Variants in PPCS observed in about 807,000 individuals in gnomAD.
PPCS encodes phosphopantothenoylcysteine synthetase.
PPCS carries 17 observed loss-of-function variants against 24.6 expected under a neutral mutation model. The observed-to-expected ratio is 0.69, with a 90% CI of 0.47 to 1.04. The LOEUF is 1.04. PPCS is among the 50% of genes least tolerant of loss of function. PPCS has a pLI of 0.00. For missense variants in PPCS, 360 were observed against 402.8 expected, an observed-to-expected ratio of 0.89 and a Z score of 0.91; for synonymous variants, 190 against 168.3, an observed-to-expected ratio of 1.13 and a Z score of -1.00.
chr1:42,465,060 T>C (rs1199545602), downstream of PPCS, among the ~76,000 whole-genome samples: 1 of 152,238 alleles, frequency 6.6e-6, no homozygotes, highest in Non-Finnish European at 1.5e-5. Flanking sequence ...TCCTTTCCTT[T>C]CCTCTTCTAA....
Position 42,470,718 on chromosome 1 carries a change from G to A in PPCS, n.378-2404G>A, listed in dbSNP as rs1188128681. Reference sequence around the variant, plus strand: ...AAGCCAATACAAAAGGACAAATATTGTATGATTCCATTTCTATGAGTTGTA... The same window carrying A: ...AAGCCAATACAAAAGGACAAATATTATATGATTCCATTTCTATGAGTTGTA... On this transcript the variant is annotated intron_variant and non_coding_transcript_variant, in intron 2 of 2. Transcript: ENST00000471420. Among the ~76,000 whole-genome samples, 7 of 152,302 alleles carry A rather than the reference G, an allele frequency of 4.6e-5. No individual in the cohort carries two copies. The East Asian group carries it at 1.4e-3, about 29-fold the overall frequency.
At chr1:42,465,934 C>T (rs1268361313), downstream of PPCS, among the ~76,000 whole-genome samples, 1 of 152,138 alleles carries the variant, frequency 6.6e-6, no homozygotes, top group South Asian at 2.1e-4. Context: ...TAGCTGTGTA[C>T]ATTTTTACAT....
Position 42,456,583 on chromosome 1 carries a change from G to T in PPCS, c.18G>T (p.Pro6=). ...CGCTGCAGATGGCGGAAATGGATCC[G>T]GTAGCCGAGTTCCCCCAGCCTCCCG... MAEMD[P]VAEFPQPPGA... The change falls in exon 1 of 3, where the codon CCG becomes CCT. Residue 6 remains proline, a synonymous_variant. Coordinates refer to ENST00000372561, the MANE Select transcript of PPCS (RefSeq NM_024664.4). 6.7e-7 allele frequency: 1 copy of T among 1,493,266 alleles called. No individual in the cohort carries two copies. The highest frequency in any genetic ancestry group is 8.9e-7 in the Non-Finnish European group (1 of 1,123,354). 92.5% of individuals were successfully genotyped at this position (1,493,266 alleles called of 1,614,324 possible).
chr1:42,459,023 C>T (rs72637933), intron 2 of PPCS, among the ~76,000 whole-genome samples: 17,824 of 152,174 alleles, frequency 0.12, 1,261 homozygotes, highest in East Asian at 0.27. Context: ...AATAAAGGGA[C>T]ATGCTTGAGA....
chr1:42,473,044 G>A (rs1643820616), intron 2 of PPCS: 1 of 1,199,992 alleles, frequency 8.3e-7, no homozygotes, highest in African/African-American at 1.6e-5. Flanking sequence ...GACTAAGGTG[G>A]CACCCACATA....
At position 42,456,585 on chromosome 1, in the gene PPCS, T is replaced by G. The variant is rs1288192203; in HGVS notation, c.20T>G (p.Val7Gly). Residue 7 changes from valine (V) to glycine (G), a missense_variant, in exon 1 of 3, where the codon GTA (valine) becomes GGA (glycine). Val to Gly is a moderately radical substitution (Grantham distance 109). This residue lies in a region of PPCS where 244 missense variants were observed against 234.7 expected (regional missense o/e 1.04). Transcript: ENST00000372561. ...CTGCAGATGGCGGAAATGGATCCGG[T>G]AGCCGAGTTCCCCCAGCCTCCCGGT... Reference protein sequence around the residue: MAEMDPVAEFPQPPGAA... With the variant: MAEMDPGAEFPQPPGAA... 1 of 1,495,482 alleles carries G rather than the reference T, an allele frequency of 6.7e-7. No homozygotes were observed. Among genetic ancestry groups the G allele is most frequent in the Non-Finnish European group, 8.9e-7 (1 of 1,124,534 alleles). The allele number at this position is 1,495,482 out of a possible 1,614,324, so 92.6% of individuals were successfully genotyped here.
intron 2 of PPCS, 65 bp from the exon 3 acceptor site, chr1:42,459,538 C>T: frequency 7.6e-7 from 1 of 1,315,880 alleles, no homozygotes; most frequent in Non-Finnish European, 1.1e-6. Flanking sequence ...CTTAGTTTCC[C>T]ATGAGATTGA....
intron 2 of PPCS, among the ~76,000 whole-genome samples, chr1:42,471,703 T>G (rs1221272743): frequency 6.6e-6 from 1 of 151,806 alleles, no homozygotes; most frequent in Non-Finnish European, 1.5e-5. Flanking sequence ...CAGAAGAAAA[T>G]TTTTAGTTAT....
Position 42,460,094 on chromosome 1 carries a change from T to A in PPCS, c.*168T>A, listed in dbSNP as rs879216175. The A allele has an allele frequency of 2.9e-6, 4 of 1,374,474 alleles. No homozygotes were observed. Among genetic ancestry groups the A allele is most frequent in the South Asian group, 3.9e-5 (2 of 51,532 alleles). 85.1% of individuals were successfully genotyped at this position (1,374,474 alleles called of 1,614,324 possible). On this transcript the variant is annotated 3_prime_UTR_variant, in exon 3 of 3. Transcript: ENST00000372561. ...ATTTGTCTTTTAATGACACCTGATATGATGTCATTTTGATTTTGAAATTGA... is the reference window on the plus strand; with the variant it reads ...ATTTGTCTTTTAATGACACCTGATAAGATGTCATTTTGATTTTGAAATTGA...
At chr1:42,473,393 C>T (rs1219516396), downstream of PPCS, 2 of 738,884 alleles carry the variant, frequency 2.7e-6, no homozygotes, top group Admixed American at 4.3e-5. Context: ...TAATGTTTGG[C>T]TATCACTGTA....
chr1:42,465,643 G>T (rs1179257912), downstream of PPCS, among the ~76,000 whole-genome samples: 1 of 152,214 alleles, frequency 6.6e-6, no homozygotes, highest in Non-Finnish European at 1.5e-5. Context: ...GGGATTACAA[G>T]TGTGAGCCAC....
chr1:42,456,899 C>CT lies in PPCS; in HGVS notation c.337dup (p.Ser113PhefsTer18), dbSNP rs1293103900. 6.2e-7 allele frequency: 1 copy of CT among 1,612,114 alleles called. No individual in the cohort carries two copies. Among genetic ancestry groups the CT allele is most frequent in the African/African-American group, 1.3e-5 (1 of 74,958 alleles). Reference sequence around the variant, plus strand: ...CGCTCTGCGGCCTTCGGGCCCAGCCCTTTCGGGCTTGCTGAGCCTGGAGGC... The same window carrying CT: ...CGCTCTGCGGCCTTCGGGCCCAGCCCTTTTCGGGCTTGCTGAGCCTGGAGGC... On this transcript the variant is annotated frameshift_variant, in exon 1 of 3. Coordinates refer to ENST00000372561, the MANE Select transcript of PPCS (RefSeq NM_024664.4). LOFTEE classifies it high-confidence loss of function.
chr1:42,467,912 A>G (rs970191934), intron 2 of PPCS: 2 of 152,352 alleles, frequency 1.3e-5, no homozygotes, highest in East Asian at 3.9e-4. Context: ...AAGGACTTGA[A>G]TAGTTCTTTT....
chr1:42,461,500 T>C (rs1054375761), downstream of PPCS, among the ~76,000 whole-genome samples: 1 of 151,890 alleles, frequency 6.6e-6, no homozygotes, highest in East Asian at 1.9e-4. Context: ...CATGCCTGGC[T>C]AAATATTTTA....
At chr1:42,473,114 C>A (rs982958937) in intron 2 of PPCS, 4 of 1,226,880 alleles carry the variant, frequency 3.3e-6, no homozygotes, top group African/African-American at 3.1e-5. Context: ...CTTATTTCTT[C>A]TATCAAGGGA....
rs1412598866 is a variant in PPCS, at chr1:42,460,206, G to C, written c.*280G>C. 1 of 1,122,580 alleles carries C rather than the reference G, an allele frequency of 8.9e-7. No individual in the cohort carries two copies. The highest frequency in any genetic ancestry group is 3.2e-5 in the South Asian group (1 of 30,966). 69.5% of individuals were successfully genotyped at this position (1,122,580 alleles called of 1,614,324 possible). The stretch of plus-strand genomic sequence containing the variant: ...AATATACATGGGGGCCTGAATGTCA[G>C]CCATCTTTATACTATAGAAAAAGGA... On this transcript the variant is annotated 3_prime_UTR_variant, in exon 3 of 3. Transcript: ENST00000372561.
chr1:42,467,537 T>C (rs1215873795), intron 2 of PPCS, among the ~76,000 whole-genome samples: 2 of 152,216 alleles, frequency 1.3e-5, no homozygotes, highest in Admixed American at 1.3e-4. Context: ...ATTTTAACTA[T>C]GAAATAGAGA....
chr1:42,461,824 C>T (rs566437406), downstream of PPCS, among the ~76,000 whole-genome samples: 5 of 152,202 alleles, frequency 3.3e-5, no homozygotes, highest in South Asian at 4.1e-4. Flanking sequence ...GCATTACAAG[C>T]GTGAGCCACC....
At chr1:42,456,467 C>T, upstream of PPCS, 1 of 1,285,782 alleles carries the variant, frequency 7.8e-7, no homozygotes, top group African/African-American at 1.5e-5. Context: ...GGTAGTGAAC[C>T]GCCCACTCAG....
Sources: gnomAD v4.1 joint callset for allele counts (sites outside exome capture counted in the v4.1 genomes callset) on GRCh38, gnomAD v4.1.1 for gene constraint, gnomAD v4.1.1 regional missense constraint, MANE v1.5 for transcripts, NCBI Gene and HGNC (gene_info 2026-07-23, HGNC 2026-07-21) for gene names.